PRKCZ: variants seen among roughly 807,000 people sequenced by gnomAD.
PRKCZ encodes the protein protein kinase C zeta type.
A neutral mutation model predicts 79.5 loss-of-function variants in PRKCZ; 33 were observed. The ratio of observed to expected loss-of-function variants is 0.41; its 90% CI spans 0.31 to 0.55. The LOEUF is 0.55. Among genes scored for constraint, PRKCZ ranks in the 20% least tolerant of loss-of-function variants. The pLI, the probability that PRKCZ is intolerant of heterozygous loss-of-function variation, is 0.19. For synonymous variants in PRKCZ, 342 were observed against 320.9 expected (o/e 1.07, Z -0.70); for missense variants, 578 against 813.5 (o/e 0.71, Z 3.52).
chr1:2,086,119 T>C (rs947449607), intron 4 of PRKCZ, among the ~76,000 whole-genome samples: 20 of 150,918 alleles, frequency 1.3e-4, no homozygotes, highest in Admixed American at 2.7e-4. Context: ...TGGAATGCAG[T>C]GGTGCAATCT....
intron 2 of PRKCZ, among the ~76,000 whole-genome samples, chr1:2,056,214 C>T (rs536308460): frequency 5.8e-4 from 89 of 152,358 alleles, no homozygotes; most frequent in African/African-American, 2.0e-3. Flanking sequence ...TCCTCAGCCC[C>T]GCTCACTGCT....
At chr1:2,070,244 T>A (rs1474774040) in intron 4 of PRKCZ, among the ~76,000 whole-genome samples, 1 of 152,048 alleles carries the variant, frequency 6.6e-6, no homozygotes, top group East Asian at 1.9e-4. Context: ...GCCTGCACCC[T>A]GGGGAAAGGT....
chr1:2,167,759 C>G (rs1683627283), intron 10 of PRKCZ, among the ~76,000 whole-genome samples: 1 of 152,178 alleles, frequency 6.6e-6, no homozygotes, highest in Non-Finnish European at 1.5e-5. Flanking sequence ...TGCACACCAC[C>G]AGCCCTGGGT....
intron 4 of PRKCZ, among the ~76,000 whole-genome samples, chr1:2,076,216 G>A (rs1157724994): frequency 1.3e-5 from 2 of 152,176 alleles, no homozygotes; most frequent in Non-Finnish European, 2.9e-5. Flanking sequence ...TGCTGGTCGT[G>A]GTGCTCGAGT....
chr1:2,151,471 T>G (rs974228608), intron 9 of PRKCZ, among the ~76,000 whole-genome samples: 6 of 152,190 alleles, frequency 3.9e-5, no homozygotes, highest in Middle Eastern at 3.2e-3. Flanking sequence ...AGGAAATCTC[T>G]GGGGTTGAGC....
intron 4 of PRKCZ, among the ~76,000 whole-genome samples, chr1:2,064,881 C>T (rs745773950): frequency 1.7e-4 from 26 of 152,236 alleles, no homozygotes; most frequent in Admixed American, 5.9e-4. Context: ...TCTATTTCTG[C>T]AAAAAACATT....
chr1:2,184,323 T>G, intron 16 of PRKCZ: 3 of 397,096 alleles, frequency 7.6e-6, no homozygotes, highest in Admixed American at 4.1e-5. Flanking sequence ...CTCGCATGGG[T>G]GGCTGGGGAT....
At chr1:2,052,553 C>T (rs1659778618) in intron 1 of PRKCZ, among the ~76,000 whole-genome samples, 1 of 151,958 alleles carries the variant, frequency 6.6e-6, no homozygotes, top group Admixed American at 6.6e-5. Context: ...TCTGGCTCTT[C>T]CCTGCTCCTA....
chr1:2,156,369 T>C (rs1047153479), intron 10 of PRKCZ: 3 of 335,960 alleles, frequency 8.9e-6, no homozygotes, highest in Non-Finnish European at 1.7e-5. Context: ...GCTACAAAAG[T>C]AAGCAAAAGA....
At chr1:2,102,047 A>G (rs991374954) in intron 4 of PRKCZ, among the ~76,000 whole-genome samples, 1 of 151,992 alleles carries the variant, frequency 6.6e-6, no homozygotes, top group Admixed American at 6.6e-5. Flanking sequence ...AAATTGTCCA[A>G]TTTCCATCCC....
intron 4 of PRKCZ, among the ~76,000 whole-genome samples, chr1:2,109,082 C>T (rs1669192625): frequency 6.6e-6 from 1 of 152,234 alleles, no homozygotes; most frequent in South Asian, 2.1e-4. Context: ...TGGGCCCACC[C>T]AGATCATCCA....
Position 2,075,699 on chromosome 1 carries a change from T to G in PRKCZ, c.334+16108T>G, listed in dbSNP as rs912035478. ...CTGCGATGTTTCCGAGGCTCCCAGT[T>G]AATCAGATCTGTCAGCCCAGTGTCC... On this transcript the variant is annotated intron_variant, in intron 4 of 17. Transcript: ENST00000378567. This position sits in a 1 kb window ranked among gnomAD's most constrained non-coding sequence, Gnocchi z 4.8. Among the ~76,000 whole-genome samples, 6 of 152,198 alleles carry G rather than the reference T, an allele frequency of 3.9e-5. No homozygotes were observed. Among genetic ancestry groups the G allele is most frequent in the African/African-American group, 1.4e-4 (6 of 41,448 alleles).
intron 5 of PRKCZ, 80 bp downstream of exon 5, chr1:2,135,427 TC>T: frequency 3.8e-6 from 5 of 1,325,730 alleles, no homozygotes; most frequent in African/African-American, 3.0e-5. Context: ...GGGAGGCACG[TC>T]CCGCTGAGCC....
At chr1:2,113,458 T>G (rs1670147491) in intron 4 of PRKCZ, among the ~76,000 whole-genome samples, 1 of 152,104 alleles carries the variant, frequency 6.6e-6, no homozygotes. Flanking sequence ...CCAGGGCAGG[T>G]GGAAGCCAGC....
At chr1:2,176,195 T>C (rs1685467896) in intron 16 of PRKCZ, among the ~76,000 whole-genome samples, 1 of 152,012 alleles carries the variant, frequency 6.6e-6, no homozygotes, top group Non-Finnish European at 1.5e-5. Flanking sequence ...TACTCTCCTG[T>C]GATGAGGGGC....
At position 2,169,459 on chromosome 1, in the gene PRKCZ, T is replaced by A. The variant is rs1683985218; in HGVS notation, c.975-59T>A. On this transcript the variant is annotated intron_variant, in intron 10 of 17. Coordinates refer to ENST00000378567, the MANE Select transcript of PRKCZ (RefSeq NM_002744.6). The stretch of plus-strand genomic sequence containing the variant: ...GAAGGCCGCTTCTGTGGGGCTTCTG[T>A]CTAAGGAGGCCGCCGTCTGCCGAGG... 2.1e-6 allele frequency: 3 copies of A among 1,457,312 alleles called. No individual in the cohort carries two copies. In the East Asian group the frequency reaches 7.5e-5, roughly 37 times the overall value. The allele number at this position is 1,457,312 out of a possible 1,614,324, so 90.3% of individuals were successfully genotyped here.
intron 10 of PRKCZ, among the ~76,000 whole-genome samples, chr1:2,164,467 T>C (rs1682940987): frequency 6.6e-6 from 1 of 152,164 alleles, no homozygotes; most frequent in South Asian, 2.1e-4. Context: ...TCAGTGGGGC[T>C]GCAGGGAAGT....
chr1:2,111,248 G>GA (rs1669687622), intron 4 of PRKCZ, among the ~76,000 whole-genome samples: 1 of 152,164 alleles, frequency 6.6e-6, no homozygotes, highest in African/African-American at 2.4e-5. Flanking sequence ...AAGAGGCAGA[G>GA]AAGGTGTCTT....
intron 9 of PRKCZ, among the ~76,000 whole-genome samples, chr1:2,151,654 G>A (rs192512927): frequency 6.6e-6 from 1 of 152,242 alleles, no homozygotes; most frequent in Admixed American, 6.5e-5. Context: ...TAGGATCAAT[G>A]GTTTATTTGT....
Sources: allele counts gnomAD v4.1 joint callset (sites outside exome capture counted in the v4.1 genomes callset), GRCh38; gene constraint gnomAD v4.1.1; non-coding constraint Gnocchi (gnomAD v3.1); transcripts MANE v1.5; gene names NCBI Gene and HGNC (gene_info 2026-07-23, HGNC 2026-07-21).